The following SKAP1 variants were observed in gnomAD, a reference collection of about 807,000 sequenced individuals.
SKAP1 encodes src kinase-associated phosphoprotein 1.
A neutral mutation model predicts 58.5 loss-of-function variants in SKAP1; 44 were observed. That is an observed-to-expected ratio of 0.75 (90% CI 0.59 to 0.97). SKAP1 has a LOEUF of 0.97. Ranked by LOEUF, SKAP1 falls within the 50% of genes least tolerant of loss-of-function variation. The probability of loss-of-function intolerance (pLI) is 0.00; values close to 1 mark genes in which losing one functional copy is unlikely to be tolerated. For missense variants in SKAP1, 390 were observed against 435.2 expected, an observed-to-expected ratio of 0.90 and a Z score of 0.92; for synonymous variants, 127 against 149.7, an observed-to-expected ratio of 0.85 and a Z score of 1.11.
chr17:48,162,625 C>A, intron 10 of SKAP1, 56 bp from the exon 11 acceptor site: 1 of 1,330,150 alleles, frequency 7.5e-7, no homozygotes, highest in Non-Finnish European at 1.1e-6. Flanking sequence ...TCCGAGGTAC[C>A]CATGTTTTTG....
At chr17:48,170,485 C>A in intron 10 of SKAP1, 124 bp downstream of exon 10, 1 of 816,430 alleles carries the variant, frequency 1.2e-6, no homozygotes, top group Non-Finnish European at 2.1e-6. Flanking sequence ...CTTTGGGGTT[C>A]ACACACAGGT....
At chr17:48,359,538 A>T (rs1251094934) in intron 3 of SKAP1, among the ~76,000 whole-genome samples, 1 of 152,198 alleles carries the variant, frequency 6.6e-6, no homozygotes, top group Non-Finnish European at 1.5e-5. Flanking sequence ...TACAGTTAAC[A>T]TGGCTTTATA....
At chr17:48,267,928 T>C (rs1051763616) in intron 4 of SKAP1, among the ~76,000 whole-genome samples, 1 of 152,198 alleles carries the variant, frequency 6.6e-6, no homozygotes, top group Non-Finnish European at 1.5e-5. Context: ...TACATTATTA[T>C]CTTGTGTTTG....
chr17:48,170,707 A>C, intron 9 of SKAP1, 48 bp from the exon 10 acceptor site: 27 of 1,414,598 alleles, frequency 1.9e-5, no homozygotes, highest in Non-Finnish European at 2.3e-5. Flanking sequence ...TCACAGTCTC[A>C]TGTTCTTTTT....
chr17:48,272,994 G>T (rs1397194612), intron 4 of SKAP1, among the ~76,000 whole-genome samples: 18 of 152,166 alleles, frequency 1.2e-4, no homozygotes. Context: ...AGTATAGCAG[G>T]TTTGATCATT....
chr17:48,263,289 A>T (rs1303566191), intron 4 of SKAP1, among the ~76,000 whole-genome samples: 1 of 152,160 alleles, frequency 6.6e-6, no homozygotes, highest in African/African-American at 2.4e-5. Flanking sequence ...GGATTTTAAA[A>T]CATTTTTAAT....
chr17:48,200,178 T>A (rs979205288), intron 4 of SKAP1, among the ~76,000 whole-genome samples: 1 of 151,448 alleles, frequency 6.6e-6, no homozygotes, highest in Non-Finnish European at 1.5e-5. Context: ...ACACCTGTAA[T>A]CCCAGCTACT....
Position 48,170,659 on chromosome 17 carries a change from T to G in SKAP1, c.827A>C (p.Asp276Ala). The G allele has an allele frequency of 6.2e-7, 1 of 1,613,258 alleles. No homozygotes were observed. The highest frequency in any genetic ancestry group is 8.5e-7 in the Non-Finnish European group (1 of 1,179,512). Residue 276 changes from aspartate (D) to alanine (A), a missense_variant and splice_region_variant, in exon 10 of 13, where the codon GAT (aspartate) becomes GCT (alanine). By Grantham distance (126) the Asp-to-Ala change is moderately radical. Coordinates refer to ENST00000336915, the MANE Select transcript of SKAP1 (RefSeq NM_003726.4). ...EEEDIYEVLP[D>A]EEHDLEEDES... ...ATCCTCTTCTAGATCATGCTCTTCA[T>G]CTGGGGGGATAAATGATCAGTATTA... is the stretch of plus-strand genomic sequence containing the variant.
chr17:48,199,989 A>C (rs890722466), intron 4 of SKAP1, among the ~76,000 whole-genome samples: 1 of 152,056 alleles, frequency 6.6e-6, no homozygotes, highest in Non-Finnish European at 1.5e-5. Flanking sequence ...AAGAAGAGTA[A>C]GAATTAGATT....
chr17:48,162,007 C>T (rs2064076137), intron 11 of SKAP1, among the ~76,000 whole-genome samples: 1 of 152,024 alleles, frequency 6.6e-6, no homozygotes, highest in Non-Finnish European at 1.5e-5. Flanking sequence ...TGCTCCATCG[C>T]CAGGCTGGAG....
intron 6 of SKAP1, 105 bp downstream of exon 6, chr17:48,187,738 T>C (rs1007290372): frequency 4.2e-6 from 3 of 719,738 alleles, no homozygotes; most frequent in Non-Finnish European, 7.1e-6. Context: ...TGTCCCTTTA[T>C]GGGTGTTAGT....
intron 1 of SKAP1, among the ~76,000 whole-genome samples, chr17:48,421,941 G>A (rs563146440): frequency 1.3e-5 from 2 of 152,206 alleles, no homozygotes; most frequent in East Asian, 1.9e-4. Context: ...GGCTGGGAGC[G>A]GTGGCTCACA....
At chr17:48,327,507 C>A (rs2066454380) in intron 4 of SKAP1, among the ~76,000 whole-genome samples, 1 of 152,188 alleles carries the variant, frequency 6.6e-6, no homozygotes. Flanking sequence ...TTTTTAAAAT[C>A]TCTTTTAATC....
At chr17:48,231,598 A>C (rs1298318549) in intron 4 of SKAP1, among the ~76,000 whole-genome samples, 1 of 152,154 alleles carries the variant, frequency 6.6e-6, no homozygotes, top group Admixed American at 6.5e-5. Flanking sequence ...ACTGTCCTGA[A>C]ATATTTGAAG....
At chr17:48,350,509 A>G (rs1188785484) in intron 3 of SKAP1, among the ~76,000 whole-genome samples, 1 of 152,162 alleles carries the variant, frequency 6.6e-6, no homozygotes, top group African/African-American at 2.4e-5. Flanking sequence ...AGCCTGACCA[A>G]CATGGAAAAC....
the SKAP1 span, among the ~76,000 whole-genome samples, chr17:48,439,222 A>G: frequency 0.044 from 6,744 of 152,290 alleles, 461 homozygotes; most frequent in African/African-American, 0.15. Context: ...ATTGAGTAAT[A>G]TGTGATATTT....
chr17:48,223,291 T>C (rs1021309674), intron 4 of SKAP1, among the ~76,000 whole-genome samples: 2 of 152,132 alleles, frequency 1.3e-5, no homozygotes, highest in Non-Finnish European at 2.9e-5. Context: ...CTATGTAAGA[T>C]AAAAATTATT....
intron 1 of SKAP1, among the ~76,000 whole-genome samples, chr17:48,406,318 A>T (rs1455013172): frequency 1.3e-5 from 2 of 150,786 alleles, no homozygotes; most frequent in Non-Finnish European, 3.0e-5. Context: ...AACTTTACAA[A>T]CTACCAAGGA....
At chr17:48,359,492 A>G in intron 3 of SKAP1, among the ~76,000 whole-genome samples, 1 of 152,220 alleles carries the variant, frequency 6.6e-6, no homozygotes, top group East Asian at 1.9e-4. Context: ...CACAAAGTTT[A>G]TACATTCGTT....
Sources: allele counts gnomAD v4.1 joint callset (sites outside exome capture counted in the v4.1 genomes callset), GRCh38; gene constraint gnomAD v4.1.1; transcripts MANE v1.5; gene names NCBI Gene and HGNC (gene_info 2026-07-23, HGNC 2026-07-21).